IMMP2L: variants seen among roughly 807,000 people sequenced by gnomAD.
The protein encoded by IMMP2L is mitochondrial inner membrane protease subunit 2.
A neutral mutation model predicts 19.3 loss-of-function variants in IMMP2L; 18 were observed. The observed-to-expected ratio is 0.93, with a 90% confidence interval of 0.64 to 1.38. IMMP2L has a LOEUF of 1.38. Ranked by LOEUF, IMMP2L falls within the 40% of genes most tolerant of loss-of-function variation. The pLI is 0.00. For missense variants in IMMP2L, 233 were observed against 218.2 expected (o/e 1.07, Z -0.43); for synonymous variants, 76 against 73.0 (o/e 1.04, Z -0.21).
intron 3 of IMMP2L, among the ~76,000 whole-genome samples, chr7:111,093,633 A>T (rs931658610): frequency 6.6e-6 from 1 of 152,158 alleles, no homozygotes; most frequent in African/African-American, 2.4e-5. Flanking sequence ...GCTCACATAC[A>T]TATTTTGTGG....
intron 3 of IMMP2L, chr7:111,391,728 T>C (rs936461379): frequency 4.5e-5 from 24 of 529,130 alleles, no homozygotes; most frequent in Non-Finnish European, 7.1e-5. Context: ...AATAAAAAGC[T>C]TCAGCCTTAT....
At chr7:111,045,530 C>T (rs1792310589) in intron 3 of IMMP2L, among the ~76,000 whole-genome samples, 3 of 152,188 alleles carry the variant, frequency 2.0e-5, no homozygotes, top group African/African-American at 7.2e-5. Context: ...AGCTCTTTCC[C>T]ATGATATTTG....
At chr7:110,858,072 C>T (rs1423598679) in intron 5 of IMMP2L, among the ~76,000 whole-genome samples, 1 of 151,992 alleles carries the variant, frequency 6.6e-6, no homozygotes, top group South Asian at 2.1e-4. Flanking sequence ...TTTGTTTCTG[C>T]CCTTCTCTTT....
intron 3 of IMMP2L, among the ~76,000 whole-genome samples, chr7:111,270,784 T>C (rs1409869277): frequency 6.6e-6 from 1 of 152,204 alleles, no homozygotes; most frequent in Non-Finnish European, 1.5e-5. Context: ...GTTTTTATTT[T>C]CTTACTCATA....
At chr7:110,925,673 T>A (rs1363653524) in intron 4 of IMMP2L, among the ~76,000 whole-genome samples, 1 of 152,134 alleles carries the variant, frequency 6.6e-6, no homozygotes, top group Non-Finnish European at 1.5e-5. Flanking sequence ...GTAATTATCT[T>A]TTATTCATTC....
intron 3 of IMMP2L, among the ~76,000 whole-genome samples, chr7:110,977,927 T>C (rs542872888): frequency 2.0e-5 from 3 of 152,188 alleles, no homozygotes; most frequent in Admixed American, 6.5e-5. Flanking sequence ...TCCAGTAAAA[T>C]GCCGAAGTTC....
chr7:110,961,531 A>G (rs1818939434), intron 4 of IMMP2L, among the ~76,000 whole-genome samples: 1 of 151,366 alleles, frequency 6.6e-6, no homozygotes, highest in Non-Finnish European at 1.5e-5. Flanking sequence ...TACAGAACCC[A>G]TGGATACAGA....
At chr7:111,545,378 G>GT in intron 1 of IMMP2L, among the ~76,000 whole-genome samples, 1 of 152,188 alleles carries the variant, frequency 6.6e-6, no homozygotes, top group South Asian at 2.1e-4. Flanking sequence ...TAATCTTGTT[G>GT]TTTTTTCTTG....
chr7:111,447,273 A>C (rs1198160393), intron 3 of IMMP2L, among the ~76,000 whole-genome samples: 1 of 116,172 alleles, frequency 8.6e-6, no homozygotes, highest in Non-Finnish European at 1.8e-5. Flanking sequence ...ACCAAAGTTG[A>C]AATGAAGGAA....
chr7:110,802,882 C>T (rs951529821), intron 5 of IMMP2L, among the ~76,000 whole-genome samples: 7 of 152,176 alleles, frequency 4.6e-5, no homozygotes, highest in African/African-American at 1.7e-4. Flanking sequence ...CATTTCTGGG[C>T]CGGTTATCTG....
In IMMP2L at chr7:111,084,293, A is replaced by G. The variant is rs1049466943; in HGVS notation, c.240-120728T>C. On this transcript the variant is annotated intron_variant, in intron 3 of 5. Transcript: ENST00000405709. Reference sequence around the variant, plus strand: ...TCTAGGTAACGAGGCAGCAGCAGAAATAAAATTAAAAAAAAAAAAAAAAAA... The same window carrying G: ...TCTAGGTAACGAGGCAGCAGCAGAAGTAAAATTAAAAAAAAAAAAAAAAAA... 4.4e-5 allele frequency among the ~76,000 whole-genome samples: 5 copies of G among 113,124 alleles called. No individual in the cohort carries two copies. The East Asian group carries it at 1.3e-3, about 30-fold the overall frequency. 74.2% of individuals were successfully genotyped at this position (113,124 alleles called of 152,430 possible).
At chr7:110,893,958 A>T (rs1811073037) in intron 4 of IMMP2L, among the ~76,000 whole-genome samples, 1 of 151,964 alleles carries the variant, frequency 6.6e-6, no homozygotes, top group Non-Finnish European at 1.5e-5. Flanking sequence ...AAACTTATCT[A>T]TGAGTTTACT....
chr7:111,529,278 G>A (rs1847173079), intron 1 of IMMP2L, among the ~76,000 whole-genome samples: 1 of 152,102 alleles, frequency 6.6e-6, no homozygotes, highest in South Asian at 2.1e-4. Flanking sequence ...GAAAAATCAG[G>A]AGACATTTGG....
At chr7:111,074,282 G>T (rs1368363183) in intron 3 of IMMP2L, among the ~76,000 whole-genome samples, 4 of 152,180 alleles carry the variant, frequency 2.6e-5, no homozygotes, top group African/African-American at 4.8e-5. Flanking sequence ...CACCTACAAT[G>T]ATGACTCATC....
At chr7:110,874,811 A>G (rs1460720710) in intron 5 of IMMP2L, among the ~76,000 whole-genome samples, 2 of 152,098 alleles carry the variant, frequency 1.3e-5, no homozygotes, top group East Asian at 3.9e-4. Context: ...ATATTGACTC[A>G]CAGCTTTAGA....
At chr7:111,048,961 G>A (rs1191710460) in intron 3 of IMMP2L, among the ~76,000 whole-genome samples, 1 of 151,924 alleles carries the variant, frequency 6.6e-6, no homozygotes, top group Non-Finnish European at 1.5e-5. Context: ...GCATTAAGTG[G>A]ACCCAGAGTT....
chr7:111,099,246 C>A (rs1194637258), intron 3 of IMMP2L, among the ~76,000 whole-genome samples: 1 of 151,664 alleles, frequency 6.6e-6, no homozygotes, highest in Non-Finnish European at 1.5e-5. Flanking sequence ...TTATAATAAG[C>A]TTTCCTTGTA....
intron 3 of IMMP2L, among the ~76,000 whole-genome samples, chr7:111,217,072 T>C (rs1811999095): frequency 3.3e-5 from 5 of 151,098 alleles, no homozygotes; most frequent in African/African-American, 9.7e-5. Flanking sequence ...ATTCCTCATC[T>C]TCTGATCTCT....
At chr7:111,399,473 G>A (rs1314569172) in intron 3 of IMMP2L, among the ~76,000 whole-genome samples, 1 of 151,922 alleles carries the variant, frequency 6.6e-6, no homozygotes, top group African/African-American at 2.4e-5. Context: ...GTGTGCTTCA[G>A]CCACCTGAAT....
Sources: gnomAD v4.1 joint callset for allele counts (sites outside exome capture counted in the v4.1 genomes callset) on GRCh38, gnomAD v4.1.1 for gene constraint, MANE v1.5 for transcripts, NCBI Gene and HGNC (gene_info 2026-07-23, HGNC 2026-07-21) for gene names.